SPECC1L: variants seen among roughly 807,000 people sequenced by gnomAD.
SPECC1L encodes cytospin-A.
SPECC1L carries 40 observed loss-of-function variants against 116.8 expected under a neutral mutation model. The ratio of observed to expected loss-of-function variants is 0.34; its 90% CI spans 0.27 to 0.45. The LOEUF (loss-of-function observed/expected upper bound fraction) is 0.45, where lower values mean the gene tolerates loss of function less well. SPECC1L is among the 20% of genes least tolerant of loss of function. The pLI is 1.00. For synonymous variants in SPECC1L, 504 were observed against 500.6 expected (o/e 1.01, Z -0.09); for missense variants, 1,110 against 1,373.6 (o/e 0.81, Z 3.03).
In SPECC1L at chr22:24,410,672, C is replaced by T. The variant is rs971469030; in HGVS notation, c.3088-916C>T. 3.3e-5 allele frequency among the ~76,000 whole-genome samples: 5 copies of T among 152,164 alleles called. No homozygotes were observed. The East Asian group carries it at 9.6e-4, about 29-fold the overall frequency. On this transcript the variant is annotated intron_variant, in intron 14 of 16. Coordinates refer to ENST00000314328, the MANE Select transcript of SPECC1L (RefSeq NM_015330.6). ...TGGTGGGGTACACTATAGCAATCTC[C>T]AGTACATGTGGTGCGTGGCCTGGAC...
At chr22:24,385,743 G>A (rs1259179854) in intron 14 of SPECC1L, among the ~76,000 whole-genome samples, 1 of 152,150 alleles carries the variant, frequency 6.6e-6, no homozygotes, top group Non-Finnish European at 1.5e-5. Flanking sequence ...AGGTAACATA[G>A]CCCCAGAGAA....
chr22:24,410,029 A>C (rs1018846709), intron 14 of SPECC1L, among the ~76,000 whole-genome samples: 1 of 152,244 alleles, frequency 6.6e-6, no homozygotes, highest in Non-Finnish European at 1.5e-5. Context: ...AAAAAATTTT[A>C]AAAAGTTGAG....
At chr22:24,317,553 G>T (rs1201482878) in intron 4 of SPECC1L, among the ~76,000 whole-genome samples, 3 of 140,544 alleles carry the variant, frequency 2.1e-5, no homozygotes, top group South Asian at 2.3e-4. Flanking sequence ...TCCCAGTAGG[G>T]GCGGCCGGGC....
intron 14 of SPECC1L, among the ~76,000 whole-genome samples, chr22:24,402,314 A>G (rs1421316770): frequency 6.6e-6 from 1 of 151,582 alleles, no homozygotes; most frequent in Non-Finnish European, 1.5e-5. Flanking sequence ...GTGCCCATTC[A>G]TCACTCCCAG....
chr22:24,294,214 G>A (rs2146376915), intron 2 of SPECC1L, among the ~76,000 whole-genome samples: 1 of 117,362 alleles, frequency 8.5e-6, no homozygotes, highest in East Asian at 2.4e-4. Flanking sequence ...CCAAAGTAAG[G>A]CAGAATTGGG....
At chr22:24,286,700 C>T (rs115922924) in intron 2 of SPECC1L, among the ~76,000 whole-genome samples, 102 of 152,222 alleles carry the variant, frequency 6.7e-4, no homozygotes, top group African/African-American at 2.4e-3. Context: ...GATTAACTGA[C>T]CTATCTAGTA....
At chr22:24,349,376 G>T (rs1013373013) in intron 11 of SPECC1L, among the ~76,000 whole-genome samples, 1 of 152,190 alleles carries the variant, frequency 6.6e-6, no homozygotes, top group Admixed American at 6.5e-5. Flanking sequence ...GTACGTGGAG[G>T]TGTGGCCCAG....
At chr22:24,348,578 T>C (rs546733860) in intron 11 of SPECC1L, among the ~76,000 whole-genome samples, 1 of 152,330 alleles carries the variant, frequency 6.6e-6, no homozygotes, top group East Asian at 1.9e-4. Flanking sequence ...AGCTCTTTTC[T>C]CCCCTCAGAA....
At chr22:24,401,207 C>T (rs1316318061) in intron 14 of SPECC1L, among the ~76,000 whole-genome samples, 2 of 152,286 alleles carry the variant, frequency 1.3e-5, no homozygotes, top group African/African-American at 4.8e-5. Context: ...TTTTAGGTCT[C>T]TTTCAGTTCA....
chr22:24,404,749 CGT>C (rs2042553108), intron 14 of SPECC1L, among the ~76,000 whole-genome samples: 1 of 152,168 alleles, frequency 6.6e-6, no homozygotes, highest in South Asian at 2.1e-4. Context: ...ATGTCAAGTC[CGT>C]GTGTCAGCCC....
chr22:24,280,169 TG>T (rs530794294), intron 2 of SPECC1L, among the ~76,000 whole-genome samples: 187 of 150,250 alleles, frequency 1.2e-3, no homozygotes, highest in African/African-American at 4.3e-3. Context: ...GGAAATGAAT[TG>T]GGGGGTAATC....
At chr22:24,323,604 A>G (rs1178535403) in intron 5 of SPECC1L, among the ~76,000 whole-genome samples, 4 of 152,218 alleles carry the variant, frequency 2.6e-5, no homozygotes, top group Non-Finnish European at 5.9e-5. Context: ...TAGTTATACT[A>G]GTTATTCTAG....
At chr22:24,362,808 A>G (rs540838748) in intron 11 of SPECC1L, among the ~76,000 whole-genome samples, 3 of 152,144 alleles carry the variant, frequency 2.0e-5, no homozygotes, top group Non-Finnish European at 4.4e-5. Flanking sequence ...CTGTGGTTTG[A>G]TAATACTTTT....
At chr22:24,274,012 C>T (rs1205337595) in intron 1 of SPECC1L, among the ~76,000 whole-genome samples, 2 of 152,360 alleles carry the variant, frequency 1.3e-5, no homozygotes, top group African/African-American at 4.8e-5. Context: ...CCTGCCTTGG[C>T]CTCCCAAAGT....
chr22:24,284,845 G>A (rs2049011889), intron 2 of SPECC1L, among the ~76,000 whole-genome samples: 1 of 152,202 alleles, frequency 6.6e-6, no homozygotes, highest in Non-Finnish European at 1.5e-5. Context: ...GGATCAGAGA[G>A]ATCGGTGTCA....
chr22:24,413,817 G>A (rs2042748722), intron 16 of SPECC1L, among the ~76,000 whole-genome samples: 1 of 152,168 alleles, frequency 6.6e-6, no homozygotes, highest in South Asian at 2.1e-4. Context: ...GCGCCCTCCT[G>A]ATCCTGCGTG....
chr22:24,389,109 AT>A (rs763818960), intron 14 of SPECC1L, among the ~76,000 whole-genome samples: 1,056 of 99,918 alleles, frequency 0.011, 1 homozygote, highest in South Asian at 0.013. Flanking sequence ...TCTATAACTG[AT>A]TTTTTTTTTT....
At chr22:24,325,669 G>GA (rs1306422502) in intron 6 of SPECC1L, among the ~76,000 whole-genome samples, 2 of 151,884 alleles carry the variant, frequency 1.3e-5, no homozygotes, top group African/African-American at 4.8e-5. Context: ...GGCCATGAAT[G>GA]AAAAAAGGTC....
At chr22:24,293,181 C>CT (rs1569407347) in intron 2 of SPECC1L, among the ~76,000 whole-genome samples, 6 of 152,182 alleles carry the variant, frequency 3.9e-5, no homozygotes, top group Admixed American at 3.3e-4. Flanking sequence ...GGAGGCTGGG[C>CT]ACAGTGGCTC....
Sources: gnomAD v4.1 joint callset for allele counts (sites outside exome capture counted in the v4.1 genomes callset) on GRCh38, gnomAD v4.1.1 for gene constraint, MANE v1.5 for transcripts, NCBI Gene and HGNC (gene_info 2026-07-23, HGNC 2026-07-21) for gene names.